The following ZNF787 variants were observed in gnomAD, a reference collection of about 807,000 sequenced individuals.
ZNF787 encodes the protein TTF-I-interacting peptide 20.
In ZNF787, 7 loss-of-function variants were observed where a neutral mutation model predicts 16.9. The ratio of observed to expected loss-of-function variants is 0.42; its 90% CI spans 0.24 to 0.78. The LOEUF (loss-of-function observed/expected upper bound fraction) is 0.78, where lower values mean the gene tolerates loss of function less well. Ranked by LOEUF, ZNF787 falls within the 30% of genes least tolerant of loss-of-function variation. ZNF787 has a pLI of 0.30. For synonymous variants in ZNF787, 345 were observed against 270.9 expected, an observed-to-expected ratio of 1.27 and a Z score of -2.69; for missense variants, 551 against 589.3, an observed-to-expected ratio of 0.94 and a Z score of 0.67.
chr19:56,115,684 G>A (rs2030114385), intron 1 of ZNF787, among the ~76,000 whole-genome samples: 1 of 152,034 alleles, frequency 6.6e-6, no homozygotes, highest in African/African-American at 2.4e-5. Flanking sequence ...CCCCGTCAGA[G>A]CCGTCTTCCT....
chr19:56,090,177 CT>C (rs1985518168), intron 2 of ZNF787, among the ~76,000 whole-genome samples: 1 of 152,238 alleles, frequency 6.6e-6, no homozygotes, highest in South Asian at 2.1e-4. Flanking sequence ...CCCAAACACC[CT>C]CCCAGATGCC....
chr19:56,092,345 A>AG (rs1985638465), intron 2 of ZNF787, among the ~76,000 whole-genome samples: 3 of 152,066 alleles, frequency 2.0e-5, no homozygotes, highest in African/African-American at 7.2e-5. Flanking sequence ...CTGTCCTCTC[A>AG]CTGAAGGACT....
intron 1 of ZNF787, among the ~76,000 whole-genome samples, chr19:56,119,488 T>C (rs886831757): frequency 2.0e-5 from 3 of 152,226 alleles, no homozygotes; most frequent in Admixed American, 6.5e-5. Flanking sequence ...GCTCTGGCTC[T>C]AAAATGAAAG....
Position 56,087,846 on chromosome 19 carries a change from C to T in ZNF787, c.*177G>A, listed in dbSNP as rs1369970702. On this transcript the variant is annotated 3_prime_UTR_variant, in exon 3 of 3. Transcript: ENST00000610935. ...CTCGAGGCGGAGAAGTGAACGGGCC[C>T]TAATACGCCCCAGTGCCCCCCCACG... 25 of 1,056,754 alleles carry T rather than the reference C, an allele frequency of 2.4e-5. No homozygotes were observed. Among genetic ancestry groups the T allele is most frequent in the Non-Finnish European group, 2.8e-5 (23 of 824,586 alleles). 65.5% of individuals were successfully genotyped at this position (1,056,754 alleles called of 1,614,324 possible). A position where few individuals can be genotyped will look rare whatever the true frequency, so the allele number is the denominator to read the frequency against.
At chr19:56,101,799 G>A (rs781088639) in intron 2 of ZNF787, 6 of 152,250 alleles carry the variant, frequency 3.9e-5, no homozygotes, top group South Asian at 2.1e-4. Context: ...ATCACACTGC[G>A]TCCACACACT....
In ZNF787 at chr19:56,111,120, G is replaced by A. The variant is rs2029967124; in HGVS notation, c.-10-7893C>T. Among the ~76,000 whole-genome samples, 3 of 152,340 alleles carry A rather than the reference G, an allele frequency of 2.0e-5. No individual in the cohort carries two copies. In the South Asian group the frequency reaches 6.2e-4, roughly 32 times the overall value. ...TCCTAAAGCCTAAAATGTTTACTATGTGGCCCACTGCAGAGAGTCTGCTGA... is the reference window on the plus strand; with the variant it reads ...TCCTAAAGCCTAAAATGTTTACTATATGGCCCACTGCAGAGAGTCTGCTGA... On this transcript the variant is annotated intron_variant, in intron 1 of 2. Coordinates refer to ENST00000610935, the MANE Select transcript of ZNF787 (RefSeq NM_001002836.4).
intron 2 of ZNF787, among the ~76,000 whole-genome samples, chr19:56,092,671 T>G (rs555432003): frequency 6.6e-6 from 1 of 152,042 alleles, no homozygotes; most frequent in Non-Finnish European, 1.5e-5. Flanking sequence ...CTCAAGGACA[T>G]AGGGGATGAC....
chr19:56,117,440 T>A (rs1205053194), intron 1 of ZNF787, among the ~76,000 whole-genome samples: 1 of 151,206 alleles, frequency 6.6e-6, no homozygotes, highest in Non-Finnish European at 1.5e-5. Context: ...TAGTACAATC[T>A]CACACAGCCA....
intron 2 of ZNF787, among the ~76,000 whole-genome samples, chr19:56,090,226 C>T (rs749204462): frequency 3.9e-5 from 6 of 152,234 alleles, no homozygotes; most frequent in Non-Finnish European, 5.9e-5. Context: ...ATGACGCCCC[C>T]CTGCGCTACA....
rs969562979 is a variant in ZNF787 at position 56,087,917 on chromosome 19, G to C, written c.*106C>G. On this transcript the variant is annotated 3_prime_UTR_variant, in exon 3 of 3. Coordinates refer to ENST00000610935, the MANE Select transcript of ZNF787 (RefSeq NM_001002836.4). ...GGGCGGGGAGCCGGGGATGCCGCGG[G>C]GTCCATCGCACCCCGTCCGCTTCTC... The C allele has an allele frequency of 1.6e-6, 2 of 1,278,256 alleles. No individual in the cohort carries two copies. Among genetic ancestry groups the C allele is most frequent in the Non-Finnish European group, 2.0e-6 (2 of 1,012,818 alleles). The allele number at this position is 1,278,256 out of a possible 1,614,324, so 79.2% of individuals were successfully genotyped here.
chr19:56,116,542 C>A (rs58226838), intron 1 of ZNF787, among the ~76,000 whole-genome samples: 3,983 of 152,134 alleles, frequency 0.026, 175 homozygotes, highest in African/African-American at 0.091. Context: ...CTGGGCAACA[C>A]AGCAAAATCC....
At chr19:56,096,246 AAAAAAATAAAAAAAAT>A (rs770940051) in intron 2 of ZNF787, among the ~76,000 whole-genome samples, 18,396 of 145,634 alleles carry the variant, frequency 0.13, 1,578 homozygotes, top group East Asian at 0.32. Flanking sequence ...TAAAAAAAAT[AAAAAAATAAAAAAAAT>A]AAAAAAACTA....
chr19:56,093,018 G>C (rs771325496), intron 2 of ZNF787, among the ~76,000 whole-genome samples: 12 of 151,450 alleles, frequency 7.9e-5, no homozygotes, highest in Non-Finnish European at 1.8e-4. Context: ...GGAGGTGGCG[G>C]AAGTGGGCTA....
intron 1 of ZNF787, among the ~76,000 whole-genome samples, chr19:56,119,583 G>A (rs1599964646): frequency 6.6e-6 from 1 of 151,512 alleles, no homozygotes; most frequent in South Asian, 2.1e-4. Context: ...GAAGTTACTC[G>A]TCTAAGGCCA....
Position 56,103,198 on chromosome 19 carries a change from G to C in ZNF787, c.20C>G (p.Ala7Gly). The C allele has an allele frequency of 6.4e-7, 1 of 1,564,106 alleles. No individual in the cohort carries two copies. Among genetic ancestry groups the C allele is most frequent in the African/African-American group, 1.4e-5 (1 of 73,466 alleles). Reference protein sequence around the residue: MELREEAWSPGPLDSED... With the variant: MELREEGWSPGPLDSED... ...AGAATCCAGCGGCCCCGGAGACCAG[G>C]CTTCTTCCCGCAGCTCCATGTCTGG... The change falls in exon 2 of 3, where the codon GCC becomes GGC. Residue 7 changes from alanine to glycine, a missense_variant. By Grantham distance (60) the Ala-to-Gly change is moderately conservative. This residue lies in a region of ZNF787 where 80 missense variants were observed against 105.9 expected (regional missense o/e 0.76). Transcript: ENST00000610935.
chr19:56,113,433 G>GC lies in ZNF787; in HGVS notation c.-11+7738dup, dbSNP rs1320453187. 2.6e-5 allele frequency among the ~76,000 whole-genome samples: 4 copies of GC among 152,356 alleles called. No individual in the cohort carries two copies. The Middle Eastern group carries it at 0.01, about 389-fold the overall frequency. On this transcript the variant is annotated intron_variant, in intron 1 of 2. Coordinates refer to ENST00000610935, the MANE Select transcript of ZNF787 (RefSeq NM_001002836.4). ...AATCTGCACACGAATGTTCACAGAAGCATCAGGCATAACAGCCGAAATGTA... is the reference window on the plus strand; with the variant it reads ...AATCTGCACACGAATGTTCACAGAAGCCATCAGGCATAACAGCCGAAATGTA...
intron 2 of ZNF787, among the ~76,000 whole-genome samples, chr19:56,093,093 T>C (rs1357268266): frequency 1.4e-5 from 2 of 144,136 alleles, no homozygotes; most frequent in East Asian, 4.2e-4. Flanking sequence ...AAGTGGAATA[T>C]TCCATAGACA....
intron 2 of ZNF787, among the ~76,000 whole-genome samples, chr19:56,092,502 T>G (rs572926257): frequency 5.3e-5 from 8 of 149,832 alleles, no homozygotes; most frequent in Non-Finnish European, 8.8e-5. Context: ...AGATAAATGT[T>G]TCTAGAGCAA....
chr19:56,109,278 C>G (rs2029911537), intron 1 of ZNF787, among the ~76,000 whole-genome samples: 1 of 152,154 alleles, frequency 6.6e-6, no homozygotes. Context: ...GGCGACGGCA[C>G]AGAACAGGCC....
Sources: gnomAD v4.1 joint callset for allele counts (sites outside exome capture counted in the v4.1 genomes callset) on GRCh38, gnomAD v4.1.1 for gene constraint, gnomAD v4.1.1 regional missense constraint, MANE v1.5 for transcripts, NCBI Gene and HGNC (gene_info 2026-07-23, HGNC 2026-07-21) for gene names.